Variants in DHRSX observed in about 807,000 individuals in gnomAD.
DHRSX encodes the protein polyprenol dehydrogenase.
Under a neutral mutation model 34.0 loss-of-function variants are expected in DHRSX, and 31 were observed. The observed-to-expected ratio is 0.91, with a 90% CI of 0.69 to 1.23. The LOEUF (loss-of-function observed/expected upper bound fraction) is 1.23, where lower values mean the gene tolerates loss of function less well. Among genes scored for constraint, DHRSX ranks in the 50% most tolerant of loss-of-function variants. The pLI, the probability that DHRSX is intolerant of heterozygous loss-of-function variation, is 0.00. For synonymous variants in DHRSX, 201 were observed against 183.8 expected (o/e 1.09, Z -0.76); for missense variants, 414 against 428.1 (o/e 0.97, Z 0.29).
At chrX:2,268,730 A>G (rs1300611297) in intron 4 of DHRSX, among the ~76,000 whole-genome samples, 2 of 152,374 alleles carry the variant, frequency 1.3e-5, no homozygotes, top group South Asian at 2.1e-4. Context: ...ATCTGCATAC[A>G]GTGTATGTAT....
rs750654820 is a variant in DHRSX, at chrX:2,255,485, G to A, written c.596+11255C>T. Reference sequence around the variant, plus strand: ...TGGTTAGGAATAAAATAATGAAGAAGTCACCCAAAGTTACATAAGTTGAGA... The same window carrying A: ...TGGTTAGGAATAAAATAATGAAGAAATCACCCAAAGTTACATAAGTTGAGA... On this transcript the variant is annotated intron_variant, in intron 5 of 6. Coordinates refer to ENST00000334651, the MANE Select transcript of DHRSX (RefSeq NM_145177.3). 1.1e-4 allele frequency among the ~76,000 whole-genome samples: 16 copies of A among 152,220 alleles called. No individual in the cohort carries two copies. The South Asian group carries it at 3.3e-3, about 32-fold the overall frequency.
intron 1 of DHRSX, among the ~76,000 whole-genome samples, chrX:2,426,928 C>T (rs1245982699): frequency 1.3e-5 from 2 of 151,936 alleles, no homozygotes; most frequent in African/African-American, 2.4e-5. Context: ...GTAGAGCCCA[C>T]ACTCTGTGCC....
chrX:2,463,845 A>G, intron 1 of DHRSX, among the ~76,000 whole-genome samples: 1 of 152,194 alleles, frequency 6.6e-6, no homozygotes, highest in East Asian at 1.9e-4. Context: ...ACACAGACAC[A>G]GACACGCAGA....
At chrX:2,308,410 C>G (rs1307482801) in intron 3 of DHRSX, among the ~76,000 whole-genome samples, 4 of 152,010 alleles carry the variant, frequency 2.6e-5, no homozygotes, top group Non-Finnish European at 5.9e-5. Flanking sequence ...ATTGTTTTAA[C>G]AATTGTTCAA....
chrX:2,356,678 C>T (rs1319494796), intron 3 of DHRSX, among the ~76,000 whole-genome samples: 4 of 152,176 alleles, frequency 2.6e-5, no homozygotes, highest in African/African-American at 4.8e-5. Flanking sequence ...CTCCCTCTTC[C>T]TCCTTCTCCT....
chrX:2,318,409 G>A (rs2042266571), intron 3 of DHRSX, among the ~76,000 whole-genome samples: 1 of 151,936 alleles, frequency 6.6e-6, no homozygotes. Context: ...TGGCATGAGA[G>A]GAGGTCGGCA....
chrX:2,336,514 T>A (rs1055963403), intron 3 of DHRSX: 4 of 152,136 alleles, frequency 2.6e-5, no homozygotes, highest in Admixed American at 6.6e-5. Context: ...CCATAATACT[T>A]GTCATCAGTA....
At chrX:2,322,719 C>T (rs1214691837) in intron 3 of DHRSX, among the ~76,000 whole-genome samples, 1 of 148,822 alleles carries the variant, frequency 6.7e-6, no homozygotes, top group Non-Finnish European at 1.5e-5. Context: ...CTCTAGCATA[C>T]TTTAATAATA....
intron 5 of DHRSX, among the ~76,000 whole-genome samples, chrX:2,246,750 AAAAG>A (rs1318657879): frequency 9.2e-6 from 1 of 108,364 alleles, no homozygotes; most frequent in Non-Finnish European, 1.9e-5. Flanking sequence ...GAAAGAAAGA[AAAAG>A]AAAGAAAATA....
rs2015501716 is a variant in DHRSX at position 2,220,723 on chromosome X, T to G, written c.*318A>C. The G allele has an allele frequency of 2.9e-6, 1 of 340,628 alleles. No homozygotes were observed. The highest frequency in any genetic ancestry group is 5.3e-6 in the Non-Finnish European group (1 of 188,228). 21.1% of individuals were successfully genotyped at this position (340,628 alleles called of 1,614,324 possible). On this transcript the variant is annotated 3_prime_UTR_variant, in exon 7 of 7. Coordinates refer to ENST00000334651, the MANE Select transcript of DHRSX (RefSeq NM_145177.3). Reference sequence around the variant, plus strand: ...GAGAGCATCTCTCTTGGAACTTTTGTACTCAGTTGTATTAACGCGGCAAGG... The same window carrying G: ...GAGAGCATCTCTCTTGGAACTTTTGGACTCAGTTGTATTAACGCGGCAAGG...
intron 4 of DHRSX, among the ~76,000 whole-genome samples, chrX:2,290,602 GTCT>G (rs1569484363): frequency 6.6e-6 from 1 of 152,202 alleles, no homozygotes; most frequent in African/African-American, 2.4e-5. Flanking sequence ...GGAATGTGCT[GTCT>G]TTATGGGCTC....
At chrX:2,345,524 A>G (rs769890947) in intron 3 of DHRSX, among the ~76,000 whole-genome samples, 23 of 152,000 alleles carry the variant, frequency 1.5e-4, no homozygotes, top group Non-Finnish European at 2.5e-4. Context: ...GTGTGTGCCT[A>G]TAATCACAAC....
intron 1 of DHRSX, among the ~76,000 whole-genome samples, chrX:2,497,350 G>A (rs1257059634): frequency 1.3e-5 from 2 of 152,136 alleles, no homozygotes; most frequent in Admixed American, 6.5e-5. Flanking sequence ...CTGAGATCAC[G>A]CCATTGCACT....
intron 5 of DHRSX, among the ~76,000 whole-genome samples, chrX:2,250,494 G>C (rs1228857128): frequency 6.6e-6 from 1 of 152,094 alleles, no homozygotes; most frequent in African/African-American, 2.4e-5. Context: ...TGAGTTTTCT[G>C]GGACAGGGGT....
chrX:2,353,420 T>G (rs1424551041), intron 3 of DHRSX, among the ~76,000 whole-genome samples: 1 of 152,042 alleles, frequency 6.6e-6, no homozygotes, highest in Admixed American at 6.6e-5. Flanking sequence ...ATTCAGAACA[T>G]GCTTATTATC....
chrX:2,291,718 T>G, intron 3 of DHRSX, 115 bp from the exon 4 acceptor site: 2 of 782,066 alleles, frequency 2.6e-6, no homozygotes, highest in Non-Finnish European at 4.4e-6. Context: ...ACTTTTTTTT[T>G]TTCTGCTCTT....
At chrX:2,372,148 T>C (rs2043080042) in intron 3 of DHRSX, among the ~76,000 whole-genome samples, 1 of 152,184 alleles carries the variant, frequency 6.6e-6, no homozygotes. Flanking sequence ...CAGGGCTACT[T>C]ACTAAGGTGA....
At chrX:2,412,939 G>A (rs2124640535) in intron 2 of DHRSX, among the ~76,000 whole-genome samples, 1 of 152,292 alleles carries the variant, frequency 6.6e-6, no homozygotes, top group Non-Finnish European at 1.5e-5. Flanking sequence ...TCTCATGCCT[G>A]TAATCCCAGC....
At chrX:2,485,793 GGGAGA>G (rs2044896716) in intron 1 of DHRSX, among the ~76,000 whole-genome samples, 1 of 48,962 alleles carries the variant, frequency 2.0e-5, no homozygotes, top group African/African-American at 8.1e-5. Context: ...AGGGAGAGAA[GGGAGA>G]GAAGGAAGGA....
Sources: gnomAD v4.1 joint callset for allele counts (sites outside exome capture counted in the v4.1 genomes callset) on GRCh38, gnomAD v4.1.1 for gene constraint, MANE v1.5 for transcripts, NCBI Gene and HGNC (gene_info 2026-07-23, HGNC 2026-07-21) for gene names.